Variants in CTNNA3 observed in about 807,000 individuals in gnomAD.
The protein encoded by CTNNA3 is catenin alpha-3.
In CTNNA3, 76 loss-of-function variants were observed where a neutral mutation model predicts 95.7. The ratio of observed to expected loss-of-function variants is 0.79; its 90% CI spans 0.66 to 0.96. The LOEUF (loss-of-function observed/expected upper bound fraction) is 0.96. CTNNA3 is among the 40% of genes least tolerant of loss of function. The probability of loss-of-function intolerance (pLI) is 0.00; values close to 1 mark genes in which losing one functional copy is unlikely to be tolerated. For synonymous variants in CTNNA3, 431 were observed against 374.4 expected, an observed-to-expected ratio of 1.15 and a Z score of -1.74; for missense variants, 1,191 against 1,089.8, an observed-to-expected ratio of 1.09 and a Z score of -1.31.
chr10:66,679,274 A>G (rs1846979874), intron 9 of CTNNA3, among the ~76,000 whole-genome samples: 1 of 152,204 alleles, frequency 6.6e-6, no homozygotes, highest in South Asian at 2.1e-4. Context: ...ATCATGGACA[A>G]ATGAATGAAT....
chr10:66,001,585 A>AAAC (rs1338407541), intron 15 of CTNNA3, among the ~76,000 whole-genome samples: 1 of 152,196 alleles, frequency 6.6e-6, no homozygotes, highest in African/African-American at 2.4e-5. Flanking sequence ...AATTAAAATA[A>AAAC]AACTGTGGCA....
At chr10:67,305,378 T>TTA (rs1554820842) in intron 5 of CTNNA3, among the ~76,000 whole-genome samples, 2 of 105,494 alleles carry the variant, frequency 1.9e-5, no homozygotes, top group Admixed American at 9.2e-5. Context: ...AAAAAAAAAT[T>TTA]AAAAAAAAAA....
At chr10:67,583,335 T>C (rs1842484167) in intron 3 of CTNNA3, among the ~76,000 whole-genome samples, 1 of 152,212 alleles carries the variant, frequency 6.6e-6, no homozygotes, top group African/African-American at 2.4e-5. Flanking sequence ...TTTGGCTGGA[T>C]ATGAAATTCT....
intron 1 of CTNNA3, among the ~76,000 whole-genome samples, chr10:67,695,174 T>C (rs1840940045): frequency 6.6e-6 from 1 of 152,246 alleles, no homozygotes; most frequent in African/African-American, 2.4e-5. Context: ...TCCTGCTTTT[T>C]CCACTTTGTT....
chr10:67,489,495 AGTAACC>A (rs1207044290), intron 5 of CTNNA3, among the ~76,000 whole-genome samples: 1 of 152,206 alleles, frequency 6.6e-6, no homozygotes, highest in African/African-American at 2.4e-5. Context: ...CTCTTTTGAC[AGTAACC>A]AAACATTTAA....
intron 14 of CTNNA3, among the ~76,000 whole-genome samples, chr10:66,090,508 C>A (rs1233804363): frequency 6.6e-6 from 1 of 151,916 alleles, no homozygotes; most frequent in Non-Finnish European, 1.5e-5. Flanking sequence ...GATGTATGTC[C>A]ATTTTAAAAA....
intron 9 of CTNNA3, among the ~76,000 whole-genome samples, chr10:66,669,996 C>G (rs9299482): frequency 0.029 from 4,335 of 152,104 alleles, 171 homozygotes; most frequent in East Asian, 0.19. Flanking sequence ...AATCAAAGCT[C>G]ATCCAATATG....
chr10:66,507,890 T>C (rs1421020029), intron 11 of CTNNA3, among the ~76,000 whole-genome samples: 1 of 152,164 alleles, frequency 6.6e-6, no homozygotes, highest in Admixed American at 6.5e-5. Flanking sequence ...CTAAATCATA[T>C]GGTGGCTCTG....
chr10:65,970,743 A>G (rs944279053), intron 16 of CTNNA3, among the ~76,000 whole-genome samples: 6 of 148,954 alleles, frequency 4.0e-5, no homozygotes, highest in African/African-American at 1.5e-4. Flanking sequence ...TAGATAAAAA[A>G]GACTTTAAAC....
chr10:67,587,497 C>T (rs1171160199), intron 3 of CTNNA3, among the ~76,000 whole-genome samples: 2 of 152,030 alleles, frequency 1.3e-5, no homozygotes, highest in Non-Finnish European at 2.9e-5. Flanking sequence ...GAATTATTGG[C>T]TGATAGTTGA....
chr10:66,969,930 G>C (rs1849626813), intron 7 of CTNNA3, among the ~76,000 whole-genome samples: 1 of 151,982 alleles, frequency 6.6e-6, no homozygotes, highest in African/African-American at 2.4e-5. Context: ...TGAACCTCAG[G>C]ATTACTACAT....
intron 17 of CTNNA3, among the ~76,000 whole-genome samples, chr10:65,955,208 G>C (rs1424429174): frequency 6.6e-6 from 1 of 152,148 alleles, no homozygotes; most frequent in Non-Finnish European, 1.5e-5. Flanking sequence ...TGGCGTATAG[G>C]AATGCTTGTG....
intron 3 of CTNNA3, among the ~76,000 whole-genome samples, chr10:67,582,048 T>A (rs1036907689): frequency 6.6e-6 from 1 of 151,404 alleles, no homozygotes; most frequent in African/African-American, 2.4e-5. Flanking sequence ...GTTTTTTGTG[T>A]CTCTATTTCC....
At chr10:67,521,754 C>T in intron 5 of CTNNA3, 88 bp downstream of exon 5, 1 of 1,508,496 alleles carries the variant, frequency 6.6e-7, no homozygotes, top group South Asian at 1.3e-5. Flanking sequence ...AGATAAGTTT[C>T]CTCAGACCCA....
chr10:67,040,108 T>G lies in CTNNA3; in HGVS notation c.1047+140209A>C, dbSNP rs141110701. On this transcript the variant is annotated intron_variant, in intron 7 of 17. Transcript: ENST00000433211. ...GTACAGCAATCATTCTAGCAGTATT[T>G]GCTATGACAACATCATTCAGCCCCA... Among the ~76,000 whole-genome samples, 622 of 152,244 alleles carry G rather than the reference T, an allele frequency of 4.1e-3. 6 individuals are homozygous for G. Among genetic ancestry groups the G allele is most frequent in the African/African-American group, 0.014 (576 of 41,538 alleles).
At chr10:66,640,994 AATTG>A (rs1404761992) in intron 9 of CTNNA3, among the ~76,000 whole-genome samples, 7 of 152,160 alleles carry the variant, frequency 4.6e-5, no homozygotes, top group Non-Finnish European at 8.8e-5. Context: ...ATCATTTTTA[AATTG>A]ATTGTTATTT....
chr10:67,633,296 C>T (rs1365590294), intron 2 of CTNNA3, among the ~76,000 whole-genome samples: 1 of 152,116 alleles, frequency 6.6e-6, no homozygotes, highest in Admixed American at 6.6e-5. Flanking sequence ...TGGACTCAGC[C>T]ATTCTAGCCT....
At chr10:66,011,373 T>G (rs911196384) in intron 15 of CTNNA3, among the ~76,000 whole-genome samples, 1 of 152,120 alleles carries the variant, frequency 6.6e-6, no homozygotes, top group Non-Finnish European at 1.5e-5. Context: ...CCTTCTATTC[T>G]CCTGCTAGTT....
rs2079220048 is a variant in CTNNA3 at position 66,021,852 on chromosome 10, C to CTTTTTTTGTTTTTTTTTTTTTTTTTT, written c.2160-33056_2160-33055insAAAAAAAAAAAAAAAAAACAAAAAAA. On this transcript the variant is annotated intron_variant, in intron 15 of 17. Coordinates refer to ENST00000433211, the MANE Select transcript of CTNNA3 (RefSeq NM_013266.4). ...GGAAATTCCATATACAGGATCTTGG[C>CTTTTTTTGTTTTTTTTTTTTTTTTTT]TTTTTTTTTTTTTTTTAGATAGATA... 2.6e-5 allele frequency among the ~76,000 whole-genome samples: 2 copies of CTTTTTTTGTTTTTTTTTTTTTTTTTT among 75,952 alleles called. 1 individual carries two copies. Among genetic ancestry groups the CTTTTTTTGTTTTTTTTTTTTTTTTTT allele is most frequent in the Non-Finnish European group, 4.9e-5 (2 of 40,972 alleles). The allele number at this position is 75,952 out of a possible 152,430, so 49.8% of individuals were successfully genotyped here.
Sources: allele counts gnomAD v4.1 joint callset (sites outside exome capture counted in the v4.1 genomes callset), GRCh38; gene constraint gnomAD v4.1.1; transcripts MANE v1.5; gene names NCBI Gene and HGNC (gene_info 2026-07-23, HGNC 2026-07-21).